The following SPECC1 variants were observed in gnomAD, a reference collection of about 807,000 sequenced individuals.
SPECC1 encodes sperm antigen with calponin homology and coiled-coil domains 1, also known as cytospin-B.
SPECC1 carries 62 observed loss-of-function variants against 104.1 expected under a neutral mutation model. That is an observed-to-expected ratio of 0.60 (90% CI 0.49 to 0.74). SPECC1 has a LOEUF of 0.74. Among genes scored for constraint, SPECC1 ranks in the 30% least tolerant of loss-of-function variants. The probability of loss-of-function intolerance (pLI) is 0.00; values close to 1 mark genes in which losing one functional copy is unlikely to be tolerated. For synonymous variants in SPECC1, 513 were observed against 501.6 expected, an observed-to-expected ratio of 1.02 and a Z score of -0.30; for missense variants, 1,306 against 1,310.5, an observed-to-expected ratio of 1.00 and a Z score of 0.05.
At chr17:20,047,359 T>A (rs1032611168) in intron 1 of SPECC1, among the ~76,000 whole-genome samples, 4 of 152,212 alleles carry the variant, frequency 2.6e-5, no homozygotes, top group African/African-American at 9.6e-5. Flanking sequence ...TTCCGCATTA[T>A]GGGTCACCCA....
chr17:20,226,850 C>CTCTAAAGAAGGATTT (rs2038241036), intron 4 of SPECC1, among the ~76,000 whole-genome samples: 2 of 152,080 alleles, frequency 1.3e-5, no homozygotes, highest in African/African-American at 4.8e-5. Flanking sequence ...GCATTGCAGC[C>CTCTAAAGAAGGATTT]CCAAGTATCT....
At chr17:20,022,431 CATAGTTTCTCCTA>C (rs1218944316) in intron 1 of SPECC1, among the ~76,000 whole-genome samples, 5 of 152,194 alleles carry the variant, frequency 3.3e-5, no homozygotes, top group African/African-American at 4.8e-5. Context: ...CGACAGTGCA[CATAGTTTCTCCTA>C]ATATGTTATA....
intron 12 of SPECC1, among the ~76,000 whole-genome samples, chr17:20,289,322 G>A (rs1409978725): frequency 1.3e-5 from 2 of 152,140 alleles, no homozygotes; most frequent in African/African-American, 4.8e-5. Flanking sequence ...GACCATATCA[G>A]ATGGAGTCTT....
chr17:20,064,670 A>G (rs1033832590), intron 1 of SPECC1, among the ~76,000 whole-genome samples: 1 of 152,186 alleles, frequency 6.6e-6, no homozygotes, highest in African/African-American at 2.4e-5. Context: ...TATTGTTCTT[A>G]AAACTGAAAA....
intron 7 of SPECC1, among the ~76,000 whole-genome samples, chr17:20,245,499 T>C (rs1432218298): frequency 1.3e-5 from 2 of 152,066 alleles, no homozygotes; most frequent in African/African-American, 4.8e-5. Context: ...GCTGTGAGAT[T>C]TCATCTTTCC....
intron 1 of SPECC1, among the ~76,000 whole-genome samples, chr17:20,020,059 T>G (rs1176534204): frequency 6.6e-6 from 1 of 152,178 alleles, no homozygotes; most frequent in Non-Finnish European, 1.5e-5. Context: ...TAGAAGGAAG[T>G]AAGAAGCAGC....
At chr17:20,194,903 A>G (rs1245835408) in intron 3 of SPECC1, among the ~76,000 whole-genome samples, 1 of 152,184 alleles carries the variant, frequency 6.6e-6, no homozygotes, top group African/African-American at 2.4e-5. Context: ...TCAGGTAGAG[A>G]GAAACAAATA....
chr17:20,288,716 C>T (rs1289474573), intron 12 of SPECC1, among the ~76,000 whole-genome samples: 1 of 148,730 alleles, frequency 6.7e-6, no homozygotes, highest in East Asian at 2.0e-4. Flanking sequence ...ATTGGACTTA[C>T]AGTTTCACAT....
At chr17:20,133,847 A>T (rs1174147975) in intron 3 of SPECC1, among the ~76,000 whole-genome samples, 1 of 152,166 alleles carries the variant, frequency 6.6e-6, no homozygotes, top group Non-Finnish European at 1.5e-5. Flanking sequence ...ATTCCCAACC[A>T]GACCAGTCTC....
Position 20,110,478 on chromosome 17 carries a change from G to A in SPECC1, c.199G>A (p.Ala67Thr), listed in dbSNP as rs368953489. 2.5e-6 allele frequency: 4 copies of A among 1,614,076 alleles called. No individual in the cohort carries two copies. The highest frequency in any genetic ancestry group is 3.4e-6 in the Non-Finnish European group (4 of 1,179,990). ...GCTCAACAAGCCAGGAAGTACCGCT[G>A]CATCGGGGGTGGTTCGCCTGAAGAA... is the stretch of plus-strand genomic sequence containing the variant. ...DTLNKPGSTA[A>T]SGVVRLKKTA... The change falls in exon 3 of 15, where the codon GCA becomes ACA. Residue 67 changes from alanine (A) to threonine (T), a missense_variant. By Grantham distance (58) the Ala-to-Thr change is moderately conservative (BLOSUM62 0). Around this residue, in one of 2 missense-constraint regions of SPECC1, gnomAD observed 1,177 missense variants for 1,139.9 expected, o/e 1.03. Coordinates refer to ENST00000395527, the MANE Select transcript of SPECC1 (RefSeq NM_001243439.2).
At chr17:20,246,539 G>A (rs572094565) in intron 8 of SPECC1, among the ~76,000 whole-genome samples, 9 of 152,232 alleles carry the variant, frequency 5.9e-5, no homozygotes, top group African/African-American at 1.9e-4. Flanking sequence ...GGTCTTGTAC[G>A]TGAGCACCTG....
intron 6 of SPECC1, 120 bp from the exon 7 acceptor site, chr17:20,232,080 G>T: frequency 8.5e-7 from 1 of 1,176,810 alleles, no homozygotes; most frequent in East Asian, 2.3e-5. Flanking sequence ...GTGTAAGCAG[G>T]GCCTCACCAA....
At chr17:20,175,723 A>G (rs1052973741) in intron 3 of SPECC1, among the ~76,000 whole-genome samples, 2 of 152,340 alleles carry the variant, frequency 1.3e-5, no homozygotes, top group East Asian at 1.9e-4. Context: ...GTGGGTACCC[A>G]TGACTGTTCT....
intron 1 of SPECC1, among the ~76,000 whole-genome samples, chr17:20,051,828 C>A (rs2045786629): frequency 6.6e-6 from 1 of 152,094 alleles, no homozygotes; most frequent in Non-Finnish European, 1.5e-5. Context: ...CATTAGTTAC[C>A]TTTTATTAGA....
intron 4 of SPECC1, among the ~76,000 whole-genome samples, chr17:20,226,500 A>G (rs2038214599): frequency 6.6e-6 from 1 of 152,202 alleles, no homozygotes; most frequent in South Asian, 2.1e-4. Flanking sequence ...TCAAGGATTG[A>G]CCACATACCA....
chr17:20,287,286 G>C (rs1371793020), intron 12 of SPECC1, among the ~76,000 whole-genome samples: 4 of 151,832 alleles, frequency 2.6e-5, no homozygotes, highest in Non-Finnish European at 5.9e-5. Context: ...GCGCGGTGGC[G>C]GGCGCCTGTA....
At chr17:20,208,784 T>G (rs1039891253) in intron 4 of SPECC1, among the ~76,000 whole-genome samples, 1 of 152,344 alleles carries the variant, frequency 6.6e-6, no homozygotes, top group Non-Finnish European at 1.5e-5. Flanking sequence ...ATGCAAGTAT[T>G]TGCTAAGAGG....
chr17:20,195,203 AG>A (rs2035948982), intron 3 of SPECC1, among the ~76,000 whole-genome samples: 1 of 152,306 alleles, frequency 6.6e-6, no homozygotes, highest in Admixed American at 6.5e-5. Context: ...CACCTGTTAG[AG>A]TTCTATAATT....
intron 3 of SPECC1, among the ~76,000 whole-genome samples, chr17:20,190,213 A>G (rs2035568550): frequency 6.6e-6 from 1 of 152,162 alleles, no homozygotes; most frequent in South Asian, 2.1e-4. Flanking sequence ...CTGTTATCTC[A>G]TTTGTTCTAA....
Sources: allele counts gnomAD v4.1 joint callset (sites outside exome capture counted in the v4.1 genomes callset), GRCh38; gene constraint gnomAD v4.1.1; regional missense constraint gnomAD v4.1.1; transcripts MANE v1.5; gene names NCBI Gene and HGNC (gene_info 2026-07-23, HGNC 2026-07-21).